Variants in ZNF334 observed in about 807,000 individuals in gnomAD.
The protein encoded by ZNF334 is zinc finger protein 334.
A neutral mutation model predicts 12.4 loss-of-function variants in ZNF334; 14 were observed. The observed-to-expected ratio is 1.13, with a 90% confidence interval of 0.74 to 1.76. The LOEUF is 1.76. Ranked by LOEUF, ZNF334 falls within the 40% of genes most tolerant of loss-of-function variation. The pLI is 0.00. For synonymous variants in ZNF334, 273 were observed against 269.6 expected, an observed-to-expected ratio of 1.01 and a Z score of -0.12; for missense variants, 797 against 804.5, an observed-to-expected ratio of 0.99 and a Z score of 0.11.
chr20:46,476,607 A>C, the ZNF334 span, among the ~76,000 whole-genome samples: 2 of 152,218 alleles, frequency 1.3e-5, no homozygotes, highest in East Asian at 3.8e-4. Flanking sequence ...AATAGAAGTT[A>C]GATTTAATGT....
At chr20:46,486,983 T>C in the ZNF334 span, among the ~76,000 whole-genome samples, 1 of 152,206 alleles carries the variant, frequency 6.6e-6, no homozygotes, top group African/African-American at 2.4e-5. Flanking sequence ...TTTTTTCTTT[T>C]CTTTGTGGAA....
chr20:46,510,664 A>G (rs1156271858), intron 2 of ZNF334, among the ~76,000 whole-genome samples: 1 of 151,318 alleles, frequency 6.6e-6, no homozygotes, highest in African/African-American at 2.4e-5. Context: ...AGGCTGAGGC[A>G]GGAGAATGGT....
the ZNF334 span, among the ~76,000 whole-genome samples, chr20:46,489,696 A>G: frequency 2.0e-5 from 3 of 151,578 alleles, no homozygotes; most frequent in African/African-American, 7.3e-5. Flanking sequence ...CTTCAAACCA[A>G]CTGTTCCCAC....
chr20:46,467,218 T>A, the ZNF334 span, among the ~76,000 whole-genome samples: 1 of 152,198 alleles, frequency 6.6e-6, no homozygotes, highest in East Asian at 1.9e-4. Context: ...AATGTAGGGA[T>A]ATTCTAAATG....
chr20:46,484,252 G>A, the ZNF334 span, among the ~76,000 whole-genome samples: 1 of 152,146 alleles, frequency 6.6e-6, no homozygotes, highest in Non-Finnish European at 1.5e-5. Context: ...TTCCTTAGCT[G>A]TTACTTTATC....
the ZNF334 span, among the ~76,000 whole-genome samples, chr20:46,488,419 T>TTATTTATATATA: frequency 2.2e-4 from 23 of 102,228 alleles, 2 homozygotes; most frequent in Non-Finnish European, 3.2e-4. Flanking sequence ...AGCTCTTATT[T>TTATTTATATATA]TATATATATA....
intron 2 of ZNF334, chr20:46,509,616 T>C (rs1436086987): frequency 1.7e-5 from 12 of 702,884 alleles, no homozygotes; most frequent in Non-Finnish European, 3.1e-5. Flanking sequence ...TCCTTCTCAT[T>C]TTCCATTTCC....
chr20:46,488,419 T>TTATTTA, the ZNF334 span, among the ~76,000 whole-genome samples: 344 of 102,186 alleles, frequency 3.4e-3, 26 homozygotes, highest in African/African-American at 0.014. Flanking sequence ...AGCTCTTATT[T>TTATTTA]TATATATATA....
At chr20:46,476,437 G>T in the ZNF334 span, 1 of 152,280 alleles carries the variant, frequency 6.6e-6, no homozygotes, top group African/African-American at 2.4e-5. Flanking sequence ...TAAGATCGGA[G>T]AATTTTATCA....
chr20:46,466,320 CTTCAT>C, the ZNF334 span, among the ~76,000 whole-genome samples: 1 of 152,080 alleles, frequency 6.6e-6, no homozygotes, highest in African/African-American at 2.4e-5. Context: ...GGTTTGTTGA[CTTCAT>C]TTAATTATCT....
the ZNF334 span, chr20:46,463,637 ACTGT>A: frequency 9.6e-6 from 2 of 208,250 alleles, no homozygotes; most frequent in South Asian, 9.3e-5. Context: ...ACCTACACGA[ACTGT>A]CTGACTGTTA....
chr20:46,498,366 G>A (rs1263260351), downstream of ZNF334, among the ~76,000 whole-genome samples: 2 of 152,170 alleles, frequency 1.3e-5, no homozygotes, highest in Non-Finnish European at 2.9e-5. Context: ...AATCAATGCC[G>A]GCTGCCACGT....
At chr20:46,510,469 T>C (rs1199856068) in intron 2 of ZNF334, among the ~76,000 whole-genome samples, 1 of 152,176 alleles carries the variant, frequency 6.6e-6, no homozygotes, top group African/African-American at 2.4e-5. Flanking sequence ...CTCACGCCTG[T>C]AATCCCAGCA....
chr20:46,482,123 T>C, the ZNF334 span, among the ~76,000 whole-genome samples: 10 of 152,304 alleles, frequency 6.6e-5, no homozygotes, highest in East Asian at 1.2e-3. Context: ...ATCAGATTCT[T>C]CCTAGAGCCT....
the ZNF334 span, among the ~76,000 whole-genome samples, chr20:46,478,540 T>G: frequency 1.3e-5 from 2 of 152,198 alleles, no homozygotes; most frequent in African/African-American, 4.8e-5. Context: ...ATTATTCTTA[T>G]CAGACTTAGA....
chr20:46,470,579 A>C, the ZNF334 span, among the ~76,000 whole-genome samples: 1 of 152,194 alleles, frequency 6.6e-6, no homozygotes, highest in African/African-American at 2.4e-5. Context: ...GACAGGTCCA[A>C]AGATAAACAC....
At chr20:46,490,610 A>G in the ZNF334 span, among the ~76,000 whole-genome samples, 1 of 152,184 alleles carries the variant, frequency 6.6e-6, no homozygotes, top group Non-Finnish European at 1.5e-5. Context: ...AAGTTTAAAG[A>G]AATAGAAAAA....
chr20:46,487,307 G>A, the ZNF334 span, among the ~76,000 whole-genome samples: 2 of 152,136 alleles, frequency 1.3e-5, no homozygotes, highest in African/African-American at 4.8e-5. Context: ...TGAACAATGA[G>A]TCAGTTTTTA....
At position 46,504,599 on chromosome 20, in the gene ZNF334, G is replaced by A; in HGVS notation, c.148+15C>T. On this transcript the variant is annotated intron_variant, in intron 3 of 4. Coordinates refer to ENST00000692313, the MANE Select transcript of ZNF334 (RefSeq NM_001353824.2). Reference sequence around the variant, plus strand: ...ATGTATGCTCTTGGGAGTTGTACAGGGAAATAGTCCTTACCCACAGAGACC... The same window carrying A: ...ATGTATGCTCTTGGGAGTTGTACAGAGAAATAGTCCTTACCCACAGAGACC... 1.3e-6 allele frequency: 2 copies of A among 1,580,292 alleles called. No individual in the cohort carries two copies. The highest frequency in any genetic ancestry group is 1.7e-6 in the Non-Finnish European group (2 of 1,168,888).
Sources: allele counts gnomAD v4.1 joint callset (sites outside exome capture counted in the v4.1 genomes callset), GRCh38; gene constraint gnomAD v4.1.1; transcripts MANE v1.5; gene names NCBI Gene and HGNC (gene_info 2026-07-23, HGNC 2026-07-21).